Variants in HS6ST2 observed in about 807,000 individuals in gnomAD.
HS6ST2 encodes the protein heparan-sulfate 6-O-sulfotransferase 2.
In HS6ST2, 17 loss-of-function variants were observed where a neutral mutation model predicts 33.0. That is an observed-to-expected ratio of 0.52 (90% confidence interval 0.35 to 0.77). The LOEUF is 0.77. Among genes scored for constraint, HS6ST2 ranks in the 30% least tolerant of loss-of-function variants. The pLI, the probability that HS6ST2 is intolerant of heterozygous loss-of-function variation, is 0.01. For missense variants in HS6ST2, 519 were observed against 551.7 expected (o/e 0.94, Z 0.59); for synonymous variants, 248 against 237.1 (o/e 1.05, Z -0.42).
At chrX:132,895,451 A>G (rs1419465790) in intron 2 of HS6ST2, among the ~76,000 whole-genome samples, 1 of 111,476 alleles carries the variant, frequency 9.0e-6, no homozygotes, top group Non-Finnish European at 1.9e-5. Context: ...GTATATAATG[A>G]TATACATACA....
At chrX:132,925,298 T>C (rs1458816343) in intron 2 of HS6ST2, among the ~76,000 whole-genome samples, 1 of 111,583 alleles carries the variant, frequency 9.0e-6, no homozygotes, top group African/African-American at 3.3e-5. Context: ...CTTTATTGTA[T>C]CCTTTCTTAA....
intron 2 of HS6ST2, among the ~76,000 whole-genome samples, chrX:132,934,440 C>A (rs2066804529): frequency 9.0e-6 from 1 of 111,625 alleles, no homozygotes; most frequent in South Asian, 3.7e-4. Context: ...GAGTTTGTAA[C>A]ATGTATAGAT....
At chrX:132,750,105 C>T (rs1036204339) in intron 2 of HS6ST2, among the ~76,000 whole-genome samples, 3 of 110,485 alleles carry the variant, frequency 2.7e-5, no homozygotes, top group Non-Finnish European at 5.7e-5. Context: ...TCCTGCAAAA[C>T]ACCAAGAGCC....
chrX:132,826,578 A>G (rs1392473295), intron 2 of HS6ST2, among the ~76,000 whole-genome samples: 1 of 110,545 alleles, frequency 9.0e-6, no homozygotes, highest in Non-Finnish European at 1.9e-5. Context: ...GACTACTAAA[A>G]AACTTTAAAA....
At chrX:132,867,484 G>A (rs903522297) in intron 2 of HS6ST2, among the ~76,000 whole-genome samples, 5 of 111,259 alleles carry the variant, frequency 4.5e-5, no homozygotes, top group African/African-American at 9.8e-5. Context: ...TCAGGATGAC[G>A]CTGGCCTCAT....
At chrX:132,652,443 A>G (rs2063700672) in intron 4 of HS6ST2, among the ~76,000 whole-genome samples, 1 of 111,714 alleles carries the variant, frequency 9.0e-6, no homozygotes, top group Admixed American at 9.5e-5. Context: ...CATCACCCAC[A>G]TTTACAGTGC....
chrX:132,643,409 A>G (rs1235176754), intron 4 of HS6ST2, among the ~76,000 whole-genome samples: 1 of 111,769 alleles, frequency 8.9e-6, no homozygotes, highest in Non-Finnish European at 1.9e-5. Flanking sequence ...ATGTGTGGAA[A>G]CTGGCCAACC....
intron 2 of HS6ST2, among the ~76,000 whole-genome samples, chrX:132,864,960 T>C (rs1215795170): frequency 9.0e-6 from 1 of 111,661 alleles, no homozygotes; most frequent in East Asian, 2.8e-4. Flanking sequence ...ATATTCAACA[T>C]TCTTAAAGAA....
At chrX:132,805,102 G>C (rs1319960479) in intron 2 of HS6ST2, among the ~76,000 whole-genome samples, 1 of 111,190 alleles carries the variant, frequency 9.0e-6, no homozygotes, top group African/African-American at 3.3e-5. Context: ...GCCAGGACCA[G>C]CCCTGCAAAG....
chrX:132,929,519 A>G (rs1357784248), intron 2 of HS6ST2, among the ~76,000 whole-genome samples: 1 of 110,588 alleles, frequency 9.0e-6, no homozygotes, highest in Non-Finnish European at 1.9e-5. Context: ...TGAAAAATAG[A>G]AAGATATATC....
intron 2 of HS6ST2, among the ~76,000 whole-genome samples, chrX:132,936,013 G>A (rs2066819079): frequency 4.3e-5 from 1 of 23,041 alleles, no homozygotes; most frequent in Non-Finnish European, 7.2e-5. Flanking sequence ...AGGGAATTGA[G>A]AGTTGAAAAA....
At chrX:132,773,363 T>C (rs1356861408) in intron 2 of HS6ST2, among the ~76,000 whole-genome samples, 2 of 108,947 alleles carry the variant, frequency 1.8e-5, no homozygotes, top group Non-Finnish European at 3.8e-5. Flanking sequence ...GGAACCCTCA[T>C]GCACTACTGG....
chrX:132,945,026 C>T (rs913880286), intron 2 of HS6ST2, among the ~76,000 whole-genome samples: 2 of 111,760 alleles, frequency 1.8e-5, no homozygotes, highest in African/African-American at 6.5e-5. Context: ...AACTCAAGAG[C>T]GTCTGCACAG....
intron 2 of HS6ST2, among the ~76,000 whole-genome samples, chrX:132,828,672 C>A (rs2065550477): frequency 3.3e-5 from 2 of 60,903 alleles, no homozygotes; most frequent in African/African-American, 1.6e-4. Context: ...ATGGAAATAT[C>A]ATATTTTATA....
intron 2 of HS6ST2, among the ~76,000 whole-genome samples, chrX:132,873,820 A>G (rs1209259397): frequency 9.0e-6 from 1 of 111,422 alleles, no homozygotes; most frequent in Non-Finnish European, 1.9e-5. Context: ...CAAGCACTAG[A>G]TATGGGATCT....
intron 4 of HS6ST2, among the ~76,000 whole-genome samples, chrX:132,662,987 C>T (rs893408703): frequency 8.9e-6 from 1 of 111,757 alleles, no homozygotes; most frequent in Admixed American, 9.5e-5. Flanking sequence ...CTGAAACAAG[C>T]ATAATCACTA....
At chrX:132,905,955 G>A (rs1372207120) in intron 2 of HS6ST2, among the ~76,000 whole-genome samples, 1 of 110,985 alleles carries the variant, frequency 9.0e-6, no homozygotes, top group Non-Finnish European at 1.9e-5. Flanking sequence ...GAGTCTGGGA[G>A]GTTGAGGCTA....
rs143172045 is a variant in HS6ST2, at chrX:132,930,424, C to T, written c.947+26384G>A. On this transcript the variant is annotated intron_variant, in intron 2 of 4. Coordinates refer to ENST00000370833, the MANE Select transcript of HS6ST2 (RefSeq NM_001394073.1). ...TGGTGATCCACCCACCTCGGCCTCC[C>T]AAAGTGTTGGGATTACAGGCATGAG... 3.1e-3 allele frequency among the ~76,000 whole-genome samples: 340 copies of T among 111,263 alleles called. 2 individuals are homozygous for T. Among genetic ancestry groups the T allele is most frequent in the African/African-American group, 0.011 (323 of 30,566 alleles).
intron 2 of HS6ST2, among the ~76,000 whole-genome samples, chrX:132,730,173 G>A (rs1351811973): frequency 9.0e-6 from 1 of 111,601 alleles, no homozygotes; most frequent in Non-Finnish European, 1.9e-5. Context: ...CTTCTTCAGG[G>A]AGCTTCTCTT....
Sources: allele counts gnomAD v4.1 joint callset (sites outside exome capture counted in the v4.1 genomes callset), GRCh38; gene constraint gnomAD v4.1.1; transcripts MANE v1.5; gene names NCBI Gene and HGNC (gene_info 2026-07-23, HGNC 2026-07-21).